Variants in SV2B observed in about 807,000 individuals in gnomAD.
The protein encoded by SV2B is solute carrier family 22 member B2.
In SV2B, 41 loss-of-function variants were observed where a neutral mutation model predicts 73.9. The ratio of observed to expected loss-of-function variants is 0.56; its 90% CI spans 0.43 to 0.72. The LOEUF is 0.72. Ranked by LOEUF, SV2B falls within the 30% of genes least tolerant of loss-of-function variation. The pLI is 0.00. For synonymous variants in SV2B, 314 were observed against 314.2 expected, an observed-to-expected ratio of 1.00 and a Z score of 0.01; for missense variants, 764 against 857.8, an observed-to-expected ratio of 0.89 and a Z score of 1.37.
chr15:91,143,299 A>G (rs911892486), intron 1 of SV2B, among the ~76,000 whole-genome samples: 1 of 152,164 alleles, frequency 6.6e-6, no homozygotes, highest in Admixed American at 6.5e-5. Flanking sequence ...GTATGTCTAG[A>G]ACGGCTCAGA....
At chr15:91,159,242 G>A (rs8030384) in intron 1 of SV2B, among the ~76,000 whole-genome samples, 19,294 of 152,096 alleles carry the variant, frequency 0.13, 1,667 homozygotes, top group African/African-American at 0.24. Flanking sequence ...TGGGCTTAGC[G>A]GAAGAGCCAT....
chr15:91,221,875 C>G (rs974572540), intron 1 of SV2B, among the ~76,000 whole-genome samples: 3 of 152,222 alleles, frequency 2.0e-5, no homozygotes, highest in African/African-American at 7.2e-5. Context: ...CACTGGCTCT[C>G]TTTTCTCAAA....
intron 1 of SV2B, among the ~76,000 whole-genome samples, chr15:91,205,860 C>T (rs1173113698): frequency 6.6e-6 from 1 of 152,062 alleles, no homozygotes; most frequent in Non-Finnish European, 1.5e-5. Flanking sequence ...AAATCTCAAC[C>T]CAAAGGTCAG....
chr15:91,143,602 G>GA (rs1213690457), intron 1 of SV2B, among the ~76,000 whole-genome samples: 1 of 151,732 alleles, frequency 6.6e-6, no homozygotes, highest in Non-Finnish European at 1.5e-5. Flanking sequence ...CTCGATCGCC[G>GA]AAAGTGTCAA....
At position 91,105,090 on chromosome 15, in the gene SV2B, CTAAA is replaced by C. The variant is rs1456822918; in HGVS notation, c.-392+4734_-392+4737del. ...GTATCTTTAGATAATCATTCATTCA[CTAAA>C]TAAATATTTATTGAGTGGTCTCTAT... On this transcript the variant is annotated intron_variant, in intron 1 of 12. Transcript: ENST00000394232. The surrounding 1 kb of genome is among the most constrained non-coding windows in gnomAD (Gnocchi z 5.5). 6.6e-6 allele frequency among the ~76,000 whole-genome samples: 1 copy of C among 152,152 alleles called. No homozygotes were observed. The highest frequency in any genetic ancestry group is 1.5e-5 in the Non-Finnish European group (1 of 68,032).
chr15:91,167,578 G>T (rs1270942508), intron 1 of SV2B, among the ~76,000 whole-genome samples: 4 of 151,748 alleles, frequency 2.6e-5, no homozygotes, highest in African/African-American at 4.8e-5. Flanking sequence ...CCTCTTTTTT[G>T]TCTGATTCTG....
Position 91,224,855 on chromosome 15 carries a change from T to A in SV2B, c.-391-1018T>A, listed in dbSNP as rs1596620861. 6.6e-6 allele frequency among the ~76,000 whole-genome samples: 1 copy of A among 152,280 alleles called. No homozygotes were observed. Among genetic ancestry groups the A allele is most frequent in the East Asian group, 1.9e-4 (1 of 5,178 alleles). On this transcript the variant is annotated intron_variant, in intron 1 of 12. Transcript: ENST00000394232. The surrounding 1 kb of genome is among the most constrained non-coding windows in gnomAD (Gnocchi z 4.9). Reference sequence around the variant, plus strand: ...CCCCAAGCCTTGTGAAACCTGAGATTCTAGGCACAATGAGAATCCACTGGG... The same window carrying A: ...CCCCAAGCCTTGTGAAACCTGAGATACTAGGCACAATGAGAATCCACTGGG...
chr15:91,207,831 T>C (rs1296998390), intron 1 of SV2B, among the ~76,000 whole-genome samples: 1 of 152,154 alleles, frequency 6.6e-6, no homozygotes, highest in Non-Finnish European at 1.5e-5. Context: ...TAACAAGGCC[T>C]GTTCAGTTTC....
chr15:91,264,373 G>A (rs1297627204), intron 6 of SV2B, among the ~76,000 whole-genome samples: 2 of 152,266 alleles, frequency 1.3e-5, no homozygotes, highest in African/African-American at 4.8e-5. Context: ...CACACTGGAA[G>A]TGGGTCAGGG....
intron 1 of SV2B, among the ~76,000 whole-genome samples, chr15:91,146,999 A>C (rs540655507): frequency 6.6e-6 from 1 of 152,212 alleles, no homozygotes; most frequent in East Asian, 1.9e-4. Context: ...AACTCAATTC[A>C]TGAGCCTACA....
chr15:91,169,536 C>T (rs1596513127), intron 1 of SV2B, among the ~76,000 whole-genome samples: 1 of 150,240 alleles, frequency 6.7e-6, no homozygotes, highest in Admixed American at 6.8e-5. Context: ...CAGGAAAACA[C>T]CAGTTTTGCT....
chr15:91,245,419 T>C lies in SV2B; in HGVS notation c.452-6400T>C, dbSNP rs771005073. ...ATCGTGTAAATACAGTATGTAGTTA[T>C]ACACGTACCAATACAAATACAAAAA... On this transcript the variant is annotated intron_variant, in intron 2 of 12. Transcript: ENST00000394232. This position sits in a 1 kb window ranked among gnomAD's most constrained non-coding sequence, Gnocchi z 4.2. 6.6e-6 allele frequency among the ~76,000 whole-genome samples: 1 copy of C among 152,246 alleles called. No individual in the cohort carries two copies. Among genetic ancestry groups the C allele is most frequent in the Non-Finnish European group, 1.5e-5 (1 of 68,044 alleles).
rs8029048 is a variant in SV2B at position 91,110,769 on chromosome 15, C to T, written c.-392+10406C>T. Among the ~76,000 whole-genome samples, 61,852 of 152,096 alleles carry T rather than the reference C, an allele frequency of 0.41. 13,826 individuals carry two copies. Among genetic ancestry groups the T allele is most frequent in the Middle Eastern group, 0.5 (146 of 294 alleles). On this transcript the variant is annotated intron_variant, in intron 1 of 12. Coordinates refer to ENST00000394232, the MANE Select transcript of SV2B (RefSeq NM_001323032.3). The surrounding 1 kb of genome is among the most constrained non-coding windows in gnomAD (Gnocchi z 5.4). ...TCAAGGAATTTAGTTCCACCCCTAG[C>T]ACTATGACAAGTGACGAACACATCC...
chr15:91,221,556 G>T (rs1033640985), intron 1 of SV2B, among the ~76,000 whole-genome samples: 2 of 151,872 alleles, frequency 1.3e-5, no homozygotes, highest in South Asian at 4.2e-4. Context: ...AGTCACTCTC[G>T]GCCTTTCCTT....
intron 1 of SV2B, among the ~76,000 whole-genome samples, chr15:91,125,064 G>C (rs1391178518): frequency 6.6e-6 from 1 of 152,158 alleles, no homozygotes; most frequent in Non-Finnish European, 1.5e-5. Flanking sequence ...CTGCCTTCTT[G>C]CTACCTGTTC....
chr15:91,106,308 A>G lies in SV2B; in HGVS notation c.-392+5945A>G, dbSNP rs1198296252. On this transcript the variant is annotated intron_variant, in intron 1 of 12. Coordinates refer to ENST00000394232, the MANE Select transcript of SV2B (RefSeq NM_001323032.3). This position sits in a 1 kb window ranked among gnomAD's most constrained non-coding sequence, Gnocchi z 4.4. ...CAGGGAAGAGTTTCAGGAAGGAGACATAGGTTTGAGTATCATTAGCATGTT... is the reference window on the plus strand; with the variant it reads ...CAGGGAAGAGTTTCAGGAAGGAGACGTAGGTTTGAGTATCATTAGCATGTT... Among the ~76,000 whole-genome samples the G allele has an allele frequency of 6.6e-6, 1 of 152,192 alleles. No individual in the cohort carries two copies. The highest frequency in any genetic ancestry group is 2.4e-5 in the African/African-American group (1 of 41,452).
rs918034304 is a variant in SV2B at position 91,214,579 on chromosome 15, G to A, written c.-391-11294G>A. Among the ~76,000 whole-genome samples the A allele has an allele frequency of 1.3e-5, 2 of 152,320 alleles. No individual in the cohort carries two copies. Among genetic ancestry groups the A allele is most frequent in the Middle Eastern group, 3.4e-3 (1 of 292 alleles). ...GCTCTGATTCACAGAACTTGCGAAT[G>A]GCAGAGCTGGTATCTGTAAAGAAAT... On this transcript the variant is annotated intron_variant, in intron 1 of 12. Coordinates refer to ENST00000394232, the MANE Select transcript of SV2B (RefSeq NM_001323032.3). The surrounding 1 kb of genome is among the most constrained non-coding windows in gnomAD (Gnocchi z 4.7).
At chr15:91,188,936 C>T (rs1014422986) in intron 1 of SV2B, among the ~76,000 whole-genome samples, 3 of 152,174 alleles carry the variant, frequency 2.0e-5, no homozygotes, top group Admixed American at 2.0e-4. Flanking sequence ...AGGTGATTCT[C>T]TAGCCTCGGC....
At chr15:91,278,796 C>A (rs2048587862) in intron 9 of SV2B, among the ~76,000 whole-genome samples, 1 of 149,474 alleles carries the variant, frequency 6.7e-6, no homozygotes, top group African/African-American at 2.5e-5. Context: ...TCTTATTTGT[C>A]TTTTGATTTA....
Sources: gnomAD v4.1 joint callset for allele counts (sites outside exome capture counted in the v4.1 genomes callset) on GRCh38, gnomAD v4.1.1 for gene constraint, Gnocchi (gnomAD v3.1) non-coding constraint, MANE v1.5 for transcripts, NCBI Gene and HGNC (gene_info 2026-07-23, HGNC 2026-07-21) for gene names.